Variants in PDE1C observed in about 807,000 individuals in gnomAD.
PDE1C encodes the protein dual specificity calcium/calmodulin-dependent 3',5'-cyclic nucleotide phosphodiesterase 1C.
In PDE1C, 62 loss-of-function variants were observed where a neutral mutation model predicts 93.1. That is an observed-to-expected ratio of 0.67 (90% confidence interval 0.54 to 0.82). PDE1C has a LOEUF of 0.82. Among genes scored for constraint, PDE1C ranks in the 40% least tolerant of loss-of-function variants. PDE1C has a pLI of 0.00. For synonymous variants in PDE1C, 325 were observed against 310.1 expected, an observed-to-expected ratio of 1.05 and a Z score of -0.50; for missense variants, 742 against 884.6, an observed-to-expected ratio of 0.84 and a Z score of 2.04.
At chr7:32,053,998 T>C (rs1344061842) in intron 1 of PDE1C, among the ~76,000 whole-genome samples, 2 of 151,872 alleles carry the variant, frequency 1.3e-5, no homozygotes, top group Admixed American at 1.3e-4. Context: ...ACAGAGGGCA[T>C]GCCTCATGGT....
chr7:31,997,337 G>A (rs1784843517), intron 2 of PDE1C, among the ~76,000 whole-genome samples: 1 of 152,154 alleles, frequency 6.6e-6, no homozygotes, highest in Non-Finnish European at 1.5e-5. Context: ...CACAGTATCT[G>A]GCTAGTAGAT....
At chr7:32,144,336 C>T (rs576044709) in intron 3 of PDE1C, among the ~76,000 whole-genome samples, 21 of 152,276 alleles carry the variant, frequency 1.4e-4, no homozygotes, top group African/African-American at 5.1e-4. Context: ...CAGCTCCAGA[C>T]ATGAATACTA....
In PDE1C at chr7:31,836,496, G is replaced by A. The variant is rs183124940; in HGVS notation, c.1203+684C>T. 4.0e-3 allele frequency among the ~76,000 whole-genome samples: 608 copies of A among 151,992 alleles called. 2 individuals carry two copies. Among genetic ancestry groups the A allele is most frequent in the Admixed American group, 8.8e-3 (135 of 15,262 alleles). On this transcript the variant is annotated intron_variant, in intron 11 of 17. Coordinates refer to ENST00000396191, the MANE Select transcript of PDE1C (RefSeq NM_001191057.4). ...ATTACAGGCACCCACCACCACGCCCGGCTAATTTTTGTATTTTTAGTAGAG... is the reference window on the plus strand; with the variant it reads ...ATTACAGGCACCCACCACCACGCCCAGCTAATTTTTGTATTTTTAGTAGAG...
intron 2 of PDE1C, among the ~76,000 whole-genome samples, chr7:31,920,914 C>A (rs925549758): frequency 1.3e-5 from 2 of 152,178 alleles, no homozygotes; most frequent in African/African-American, 4.8e-5. Context: ...TTCTAATATG[C>A]CTGATTTCTT....
chr7:32,205,647 T>C (rs928818036), intron 2 of PDE1C, among the ~76,000 whole-genome samples: 1 of 152,168 alleles, frequency 6.6e-6, no homozygotes, highest in African/African-American at 2.4e-5. Context: ...CTGCAGAAGC[T>C]TTGTTCCTTC....
chr7:32,175,695 CCT>C (rs1471680312), intron 2 of PDE1C, among the ~76,000 whole-genome samples: 12 of 152,162 alleles, frequency 7.9e-5, no homozygotes, highest in Admixed American at 7.9e-4. Context: ...TCCTTAATCC[CCT>C]CCATAAACAA....
chr7:31,992,215 C>T (rs1183538820), intron 2 of PDE1C, among the ~76,000 whole-genome samples: 2 of 152,210 alleles, frequency 1.3e-5, no homozygotes, highest in Non-Finnish European at 2.9e-5. Flanking sequence ...GAGTGAAACA[C>T]TTCCTGTGTG....
chr7:32,375,155 G>A (rs180996031), intron 1 of PDE1C, among the ~76,000 whole-genome samples: 1 of 152,288 alleles, frequency 6.6e-6, no homozygotes, highest in African/African-American at 2.4e-5. Flanking sequence ...GGGGCCTGGA[G>A]AGAAGGCAAT....
chr7:32,250,451 A>G (rs1341451808), intron 1 of PDE1C, among the ~76,000 whole-genome samples: 1 of 152,196 alleles, frequency 6.6e-6, no homozygotes, highest in East Asian at 1.9e-4. Context: ...ATCTCAGACC[A>G]ATTGAATCAG....
chr7:31,670,757 A>C, the PDE1C span, among the ~76,000 whole-genome samples: 1 of 152,116 alleles, frequency 6.6e-6, no homozygotes, highest in Non-Finnish European at 1.5e-5. Flanking sequence ...AAGTGAGAAC[A>C]TAACATTCCT....
At chr7:32,256,329 G>T (rs1404966767) in intron 1 of PDE1C, among the ~76,000 whole-genome samples, 1 of 152,104 alleles carries the variant, frequency 6.6e-6, no homozygotes, top group African/African-American at 2.4e-5. Flanking sequence ...ACAAACCAGG[G>T]GCTCCCACTG....
intron 2 of PDE1C, among the ~76,000 whole-genome samples, chr7:32,003,767 A>G (rs566755308): frequency 4.6e-5 from 7 of 152,328 alleles, no homozygotes; most frequent in Admixed American, 4.6e-4. Flanking sequence ...CTGTGTAATG[A>G]GTGCCTACCA....
chr7:32,181,667 T>C (rs976320584), intron 2 of PDE1C, among the ~76,000 whole-genome samples: 69 of 151,998 alleles, frequency 4.5e-4, no homozygotes, highest in African/African-American at 1.6e-3. Context: ...GAGGGAAATT[T>C]ATAGCACTAA....
the PDE1C span, among the ~76,000 whole-genome samples, chr7:31,667,396 C>T: frequency 6.6e-6 from 1 of 152,138 alleles, no homozygotes; most frequent in Admixed American, 6.5e-5. Context: ...CCTAAACTTG[C>T]TTTGATAATT....
chr7:32,288,318 C>A (rs530826548), intron 1 of PDE1C, among the ~76,000 whole-genome samples: 2 of 152,046 alleles, frequency 1.3e-5, no homozygotes, highest in Non-Finnish European at 2.9e-5. Flanking sequence ...AGTGCTTTAC[C>A]AATAGTAAAG....
intron 1 of PDE1C, among the ~76,000 whole-genome samples, chr7:32,250,334 G>A (rs1437542048): frequency 6.6e-6 from 1 of 152,198 alleles, no homozygotes; most frequent in Non-Finnish European, 1.5e-5. Context: ...TCGAGCCAGA[G>A]GTCTGTCTGA....
intron 3 of PDE1C, among the ~76,000 whole-genome samples, chr7:32,121,416 G>C (rs1455117228): frequency 6.6e-6 from 1 of 151,738 alleles, no homozygotes; most frequent in Non-Finnish European, 1.5e-5. Flanking sequence ...TCAACCCCAA[G>C]ACACATAATC....
At chr7:32,150,970 C>T (rs1801214181) in intron 3 of PDE1C, among the ~76,000 whole-genome samples, 1 of 152,166 alleles carries the variant, frequency 6.6e-6, no homozygotes, top group South Asian at 2.1e-4. Context: ...TTCTATATGA[C>T]AAAGTCCCCA....
the PDE1C span, among the ~76,000 whole-genome samples, chr7:31,692,132 T>G: frequency 6.6e-6 from 1 of 152,172 alleles, no homozygotes; most frequent in Non-Finnish European, 1.5e-5. Context: ...TCTGAAACTC[T>G]CAATGTGTCT....
Sources: gnomAD v4.1 joint callset for allele counts (sites outside exome capture counted in the v4.1 genomes callset) on GRCh38, gnomAD v4.1.1 for gene constraint, MANE v1.5 for transcripts, NCBI Gene and HGNC (gene_info 2026-07-23, HGNC 2026-07-21) for gene names.